Variants in IDH2 observed in about 807,000 individuals in gnomAD.
IDH2 encodes the protein isocitrate dehydrogenase (NADP(+)) 2.
Under a neutral mutation model 50.5 loss-of-function variants are expected in IDH2, and 18 were observed. The ratio of observed to expected loss-of-function variants is 0.36; its 90% CI spans 0.25 to 0.53. IDH2 has a LOEUF of 0.53. Among genes scored for constraint, IDH2 ranks in the 20% least tolerant of loss-of-function variants. IDH2 has a pLI of 0.92. For synonymous variants in IDH2, 280 were observed against 239.8 expected (o/e 1.17, Z -1.55); for missense variants, 518 against 610.7 (o/e 0.85, Z 1.60).
chr15:90,088,886 G>T, intron 3 of IDH2, 139 bp from the exon 4 acceptor site: 1 of 789,264 alleles, frequency 1.3e-6, no homozygotes, highest in Non-Finnish European at 2.1e-6. Context: ...GTGCAAATGT[G>T]TGGGCTCTGG....
chr15:90,101,938 G>T (rs575230683), intron 1 of IDH2, among the ~76,000 whole-genome samples: 2 of 152,118 alleles, frequency 1.3e-5, no homozygotes, highest in South Asian at 4.1e-4. Flanking sequence ...GGGGCGCAGG[G>T]CGGGCAGGCC....
intron 2 of IDH2, among the ~76,000 whole-genome samples, chr15:90,091,058 C>T (rs927886444): frequency 1.6e-5 from 1 of 64,266 alleles, no homozygotes; most frequent in African/African-American, 3.8e-5. Context: ...CATGAACGCA[C>T]ACACAGTGTG....
chr15:90,087,277 G>A lies in IDH2; in HGVS notation c.816-14C>T, dbSNP rs376706230. 5 of 1,613,996 alleles carry A rather than the reference G, an allele frequency of 3.1e-6. No homozygotes were observed. In the East Asian group the frequency reaches 1.1e-4, roughly 36 times the overall value. On this transcript the variant is annotated splice_polypyrimidine_tract_variant and intron_variant, in intron 6 of 10. Coordinates refer to ENST00000330062, the MANE Select transcript of IDH2 (RefSeq NM_002168.4). ...GTCTTATAGTGCCTGGGAGTAAAAA[G>A]GTCTGTTATGGGGAGAGGGCAGAAG...
In IDH2 at chr15:90,088,012, G is replaced by A. The variant is rs561863261; in HGVS notation, c.678+347C>T. Among the ~76,000 whole-genome samples, 5 of 152,174 alleles carry A rather than the reference G, an allele frequency of 3.3e-5. No individual in the cohort carries two copies. In the East Asian group the frequency reaches 7.7e-4, roughly 24 times the overall value. ...TCAGCCTGGCATTGGAGCTGGAACT[G>A]GGGATAAAGAGGCATTCTCTTCTGA... On this transcript the variant is annotated intron_variant, in intron 5 of 10. Transcript: ENST00000330062.
rs1315788598 is a variant in IDH2 at position 90,088,307 on chromosome 15, T to A, written c.678+52A>T. 2.5e-6 allele frequency: 4 copies of A among 1,606,002 alleles called. No individual in the cohort carries two copies. The African/African-American group carries it at 5.3e-5, about 21-fold the overall frequency. On this transcript the variant is annotated intron_variant, in intron 5 of 10. Transcript: ENST00000330062. ...AGAAAGGAAAGCCACGAGACAGAGA[T>A]GAAGAGACAAGCTGGGAGAGGAGGG...
intron 1 of IDH2, among the ~76,000 whole-genome samples, chr15:90,099,277 G>A (rs1467420524): frequency 6.6e-6 from 1 of 152,164 alleles, no homozygotes; most frequent in Non-Finnish European, 1.5e-5. Flanking sequence ...TGCCTGCTGA[G>A]CCAGCCTTCG....
intron 1 of IDH2, among the ~76,000 whole-genome samples, chr15:90,092,333 C>CCTTA (rs906902290): frequency 2.0e-4 from 26 of 128,430 alleles, no homozygotes; most frequent in Non-Finnish European, 2.8e-4. Flanking sequence ...ATCCATCCAT[C>CCTTA]CTTACTTACT....
Position 90,088,685 on chromosome 15 carries a change from TC to T in IDH2, c.435del (p.Thr146LeufsTer15), listed in dbSNP as rs747216375. 6.2e-6 allele frequency: 10 copies of T among 1,613,518 alleles called. No homozygotes were observed. Among genetic ancestry groups the T allele is most frequent in the South Asian group, 1.1e-5 (1 of 91,052 alleles). On this transcript the variant is annotated frameshift_variant, in exon 4 of 11. Transcript: ENST00000330062. LOFTEE classifies it high-confidence loss of function. ...PNGTIRNILGGTVFREPIICK... is the reference protein window; with the variant it reads ...PNGTIRNILGXTVFREPIICK... Reference sequence around the variant, plus strand: ...CAGATGATGGGCTCCCGGAAGACAGTCCCCCCCAGGATGTTCCGGATAGTTC... The same window carrying T: ...CAGATGATGGGCTCCCGGAAGACAGTCCCCCCAGGATGTTCCGGATAGTTC...
At chr15:90,092,532 A>G (rs1333973654) in intron 1 of IDH2, among the ~76,000 whole-genome samples, 2 of 151,978 alleles carry the variant, frequency 1.3e-5, no homozygotes, top group African/African-American at 4.8e-5. Flanking sequence ...CAGCCTCCCA[A>G]GTAGCTGGGA....
intron 1 of IDH2, among the ~76,000 whole-genome samples, chr15:90,099,357 G>A (rs1901270271): frequency 6.6e-6 from 1 of 152,074 alleles, no homozygotes; most frequent in Non-Finnish European, 1.5e-5. Context: ...TACCGAAAAT[G>A]GCCTGCTTCC....
At chr15:90,097,169 G>A (rs1480225174) in intron 1 of IDH2, among the ~76,000 whole-genome samples, 1 of 152,170 alleles carries the variant, frequency 6.6e-6, no homozygotes, top group Non-Finnish European at 1.5e-5. Flanking sequence ...TACCTGTGGT[G>A]TCAGTTACCC....
chr15:90,090,615 T>C lies in IDH2; in HGVS notation c.237A>G (p.Leu79=), dbSNP rs1457788646. Residue 79 remains leucine (L), a synonymous_variant, in exon 3 of 11, where the codon CTA becomes CTG. Transcript: ENST00000330062. ...TTGGGAGCCCGAGGTCAAAATACTT[T>C]AGCTGGATGTCCACGTGGGGCAGGA... ...KLILPHVDIQ[L]KYFDLGLPNR... 11 of 1,614,014 alleles carry C rather than the reference T, an allele frequency of 6.8e-6. No individual in the cohort carries two copies. The highest frequency in any genetic ancestry group is 1.7e-5 in the Admixed American group (1 of 60,000).
rs1900778420 is a variant in IDH2, at chr15:90,083,593, A to G, written c.*673T>C. The G allele has an allele frequency of 6.5e-6, 1 of 153,896 alleles. No individual in the cohort carries two copies. Among genetic ancestry groups the G allele is most frequent in the Non-Finnish European group, 1.4e-5 (1 of 69,166 alleles). 9.5% of individuals were successfully genotyped at this position (153,896 alleles called of 1,614,324 possible). A position where few individuals can be genotyped will look rare whatever the true frequency, so the allele number is the denominator to read the frequency against. On this transcript the variant is annotated 3_prime_UTR_variant, in exon 11 of 11. Transcript: ENST00000330062. Reference sequence around the variant, plus strand: ...GCCTTGGAAAGGAGAAGTGTGAGGCAGGTGTGGGTAGGACCTCTTTTTAGT... The same window carrying G: ...GCCTTGGAAAGGAGAAGTGTGAGGCGGGTGTGGGTAGGACCTCTTTTTAGT...
rs1284288896 is a variant in IDH2 at position 90,088,683 on chromosome 15, A to G, written c.438T>C (p.Thr146=). 2 of 1,614,114 alleles carry G rather than the reference A, an allele frequency of 1.2e-6. No homozygotes were observed. Among genetic ancestry groups the G allele is most frequent in the Admixed American group, 1.7e-5 (1 of 60,018 alleles). ...TGCAGATGATGGGCTCCCGGAAGAC[A>G]GTCCCCCCCAGGATGTTCCGGATAG... is the stretch of plus-strand genomic sequence containing the variant. ...NGTIRNILGG[T]VFREPIICKN... Residue 146 remains threonine, a synonymous_variant, in exon 4 of 11, where the codon ACT becomes ACC. Coordinates refer to ENST00000330062, the MANE Select transcript of IDH2 (RefSeq NM_002168.4).
chr15:90,086,606 G>A (rs577414207), intron 7 of IDH2, among the ~76,000 whole-genome samples: 2 of 151,972 alleles, frequency 1.3e-5, no homozygotes, highest in African/African-American at 2.4e-5. Flanking sequence ...ACGGGGTTTC[G>A]TCATGTTGGC....
chr15:90,101,685 G>T (rs1311315340), intron 1 of IDH2, among the ~76,000 whole-genome samples: 1 of 151,998 alleles, frequency 6.6e-6, no homozygotes, highest in East Asian at 1.9e-4. Flanking sequence ...GAAGGGGTGG[G>T]GGTGGGGGCG....
intron 3 of IDH2, 99 bp from the exon 4 acceptor site, chr15:90,088,846 T>G (rs2151550196): frequency 1.5e-6 from 2 of 1,331,736 alleles, no homozygotes; most frequent in Middle Eastern, 4.8e-4. Flanking sequence ...GGTCCTAAAA[T>G]TCTTCATGAG....
At chr15:90,088,258 G>A in intron 5 of IDH2, 101 bp downstream of exon 5, 1 of 1,462,378 alleles carries the variant, frequency 6.8e-7, no homozygotes, top group East Asian at 2.3e-5. Context: ...CCTCTTTGTG[G>A]CCTAAGAATG....
rs902103405 is a variant in IDH2, at chr15:90,100,419, G to A, written c.115+1857C>T. Reference sequence around the variant, plus strand: ...AACCACCCCAATCAGCTCTGGCAGGGCAGCTAGGGCCTTATCTGACGTGGC... The same window carrying A: ...AACCACCCCAATCAGCTCTGGCAGGACAGCTAGGGCCTTATCTGACGTGGC... On this transcript the variant is annotated intron_variant, in intron 1 of 10. Coordinates refer to ENST00000330062, the MANE Select transcript of IDH2 (RefSeq NM_002168.4). The surrounding 1 kb of genome is among the most constrained non-coding windows in gnomAD (Gnocchi z 4.1). Among the ~76,000 whole-genome samples the A allele has an allele frequency of 6.6e-6, 1 of 152,196 alleles. No homozygotes were observed. Among genetic ancestry groups the A allele is most frequent in the Admixed American group, 6.5e-5 (1 of 15,270 alleles).
Sources: allele counts gnomAD v4.1 joint callset (sites outside exome capture counted in the v4.1 genomes callset), GRCh38; gene constraint gnomAD v4.1.1; non-coding constraint Gnocchi (gnomAD v3.1); transcripts MANE v1.5; gene names NCBI Gene and HGNC (gene_info 2026-07-23, HGNC 2026-07-21).